PPP1R12C: variants seen among roughly 807,000 people sequenced by gnomAD.
The protein encoded by PPP1R12C is protein phosphatase 1 regulatory subunit 12C.
In PPP1R12C, 48 loss-of-function variants were observed where a neutral mutation model predicts 95.6. The observed-to-expected ratio is 0.50, with a 90% confidence interval of 0.40 to 0.64. The LOEUF (loss-of-function observed/expected upper bound fraction) is 0.64, where lower values mean the gene tolerates loss of function less well. Among genes scored for constraint, PPP1R12C ranks in the 30% least tolerant of loss-of-function variants. The pLI, the probability that PPP1R12C is intolerant of heterozygous loss-of-function variation, is 0.00. For missense variants in PPP1R12C, 1,057 were observed against 1,083.3 expected, an observed-to-expected ratio of 0.98 and a Z score of 0.34; for synonymous variants, 480 against 460.8, an observed-to-expected ratio of 1.04 and a Z score of -0.53.
chr19:55,092,378 GGC>G, intron 18 of PPP1R12C, 52 bp from the exon 19 acceptor site: 1 of 1,567,678 alleles, frequency 6.4e-7, no homozygotes, highest in Non-Finnish European at 8.7e-7. Context: ...ATGCTGGGGG[GGC>G]GGGGAAGCCA....
At chr19:55,105,280 A>G (rs2085025813) in intron 3 of PPP1R12C, among the ~76,000 whole-genome samples, 1 of 152,134 alleles carries the variant, frequency 6.6e-6, no homozygotes, top group Non-Finnish European at 1.5e-5. Flanking sequence ...ATGGGTCTCA[A>G]TTCAGGGAGG....
intron 3 of PPP1R12C, chr19:55,111,679 TC>T (rs2085097577): frequency 6.6e-6 from 1 of 152,028 alleles, no homozygotes; most frequent in South Asian, 2.1e-4. Context: ...TGCCGGTATC[TC>T]ATTTCCTCGT....
intron 6 of PPP1R12C, among the ~76,000 whole-genome samples, chr19:55,097,252 A>G (rs71367148): frequency 1.3e-5 from 1 of 76,604 alleles, no homozygotes; most frequent in Non-Finnish European, 2.4e-5. Flanking sequence ...CACCGTCTTC[A>G]CCCCTACCCC....
intron 1 of PPP1R12C, chr19:55,113,893 G>A (rs990080171): frequency 6.0e-6 from 1 of 166,496 alleles, no homozygotes; most frequent in Non-Finnish European, 1.3e-5. Context: ...CCCTGTGAAA[G>A]ATGCCTGAGG....
intron 12 of PPP1R12C, 70 bp from the exon 13 acceptor site, chr19:55,094,505 C>T (rs1394339470): frequency 3.7e-6 from 6 of 1,601,170 alleles, no homozygotes; most frequent in East Asian, 2.2e-5. Context: ...TGACACCCTC[C>T]GCGGGAAGCA....
rs1195523568 is a variant in PPP1R12C at position 55,096,417 on chromosome 19, A to C, written c.952-82T>G. ...ACACCACCACAAACAGCTGTGCAGG[A>C]GCTCACTGCCCAGGCGGGCACCGAG... On this transcript the variant is annotated intron_variant, in intron 6 of 21. Coordinates refer to ENST00000263433, the MANE Select transcript of PPP1R12C (RefSeq NM_017607.4). The C allele has an allele frequency of 2.7e-6, 4 of 1,495,250 alleles. No homozygotes were observed. The African/African-American group carries it at 5.5e-5, about 21-fold the overall frequency. 92.6% of individuals were successfully genotyped at this position (1,495,250 alleles called of 1,614,324 possible). A position where few individuals can be genotyped will look rare whatever the true frequency, so the allele number is the denominator to read the frequency against.
At chr19:55,091,589 C>T in intron 21 of PPP1R12C, 31 bp from the exon 22 acceptor site, 1 of 1,611,504 alleles carries the variant, frequency 6.2e-7, no homozygotes, top group Non-Finnish European at 8.5e-7. Flanking sequence ...GCTGGGCAGC[C>T]CTGGCGGGTT....
chr19:55,091,303 C>T lies in PPP1R12C; in HGVS notation c.*169G>A, dbSNP rs2084836089. 4.2e-6 allele frequency: 3 copies of T among 714,452 alleles called. No homozygotes were observed. The highest frequency in any genetic ancestry group is 2.8e-5 in the Admixed American group (1 of 35,352). The allele number at this position is 714,452 out of a possible 1,614,324, so 44.3% of individuals were successfully genotyped here. A position where few individuals can be genotyped will look rare whatever the true frequency, so the allele number is the denominator to read the frequency against. The stretch of plus-strand genomic sequence containing the variant: ...CCACCTCCATCCTGGCCTCGGGTGG[C>T]CCCCTCGGCTCCTGGGGACTCTGCT... On this transcript the variant is annotated 3_prime_UTR_variant, in exon 22 of 22. Coordinates refer to ENST00000263433, the MANE Select transcript of PPP1R12C (RefSeq NM_017607.4).
chr19:55,109,852 G>A lies in PPP1R12C; in HGVS notation c.571+2615C>T, dbSNP rs1467137753. On this transcript the variant is annotated intron_variant, in intron 3 of 21. Transcript: ENST00000263433. This position sits in a 1 kb window ranked among gnomAD's most constrained non-coding sequence, Gnocchi z 4.4. ...CCTCTGAGGCTCCTGTGTGGAGCCGGGTGTCACAGGGTGTCACAGGCAGTC... is the reference window on the plus strand; with the variant it reads ...CCTCTGAGGCTCCTGTGTGGAGCCGAGTGTCACAGGGTGTCACAGGCAGTC... 6.6e-6 allele frequency among the ~76,000 whole-genome samples: 1 copy of A among 152,090 alleles called. No homozygotes were observed. Among genetic ancestry groups the A allele is most frequent in the South Asian group, 2.1e-4 (1 of 4,824 alleles).
chr19:55,104,180 G>GTA (rs756594022), intron 3 of PPP1R12C, among the ~76,000 whole-genome samples: 6,778 of 72,648 alleles, frequency 0.093, 230 homozygotes, highest in Admixed American at 0.15. Context: ...AAAAAAAAAA[G>GTA]TATATATATA....
intron 19 of PPP1R12C, 109 bp from the exon 20 acceptor site, chr19:55,092,018 C>T: frequency 1.4e-6 from 2 of 1,414,632 alleles, no homozygotes; most frequent in Non-Finnish European, 2.0e-6. Context: ...GCCCACAAGC[C>T]CTTCCCCCAC....
chr19:55,093,003 G>T lies in PPP1R12C; in HGVS notation c.1825+13C>A. 1 of 1,570,338 alleles carries T rather than the reference G, an allele frequency of 6.4e-7. No individual in the cohort carries two copies. On this transcript the variant is annotated intron_variant, in intron 15 of 21. Coordinates refer to ENST00000263433, the MANE Select transcript of PPP1R12C (RefSeq NM_017607.4). ...GATTCCCTGGGAATGACCTCCCCGAGAGCAGACCTCACCTCTCTGGGCAGG... is the reference window on the plus strand; with the variant it reads ...GATTCCCTGGGAATGACCTCCCCGATAGCAGACCTCACCTCTCTGGGCAGG...
intron 3 of PPP1R12C, among the ~76,000 whole-genome samples, chr19:55,110,744 C>A (rs10418721): frequency 0.022 from 3,369 of 152,080 alleles, 107 homozygotes; most frequent in African/African-American, 0.076. Flanking sequence ...TGCTGGCTCA[C>A]GCCTGTAATC....
intron 3 of PPP1R12C, 36 bp downstream of exon 3, chr19:55,112,431 T>G (rs564377931): frequency 6.4e-7 from 1 of 1,562,430 alleles, no homozygotes; most frequent in African/African-American, 1.4e-5. Flanking sequence ...GGTGAGGAGG[T>G]GTCCCCCACC....
At chr19:55,110,705 T>A (rs1763194267) in intron 3 of PPP1R12C, among the ~76,000 whole-genome samples, 1 of 152,104 alleles carries the variant, frequency 6.6e-6, no homozygotes, top group African/African-American at 2.4e-5. Flanking sequence ...AAACCCCATC[T>A]CTATTAAAAA....
intron 3 of PPP1R12C, among the ~76,000 whole-genome samples, chr19:55,106,827 C>T (rs1316542611): frequency 2.0e-5 from 3 of 152,180 alleles, no homozygotes; most frequent in Non-Finnish European, 2.9e-5. Context: ...GCGCACATCA[C>T]CAGGCCTTCC....
chr19:55,094,878 A>C (rs2084892135), intron 11 of PPP1R12C, 80 bp from the exon 12 acceptor site: 1 of 1,466,970 alleles, frequency 6.8e-7, no homozygotes, highest in Non-Finnish European at 9.2e-7. Flanking sequence ...TGAGTGAAAG[A>C]AACAAATTAT....
chr19:55,116,254 G>GAAGGAA (rs2085152243), intron 1 of PPP1R12C, among the ~76,000 whole-genome samples: 1 of 152,158 alleles, frequency 6.6e-6, no homozygotes, highest in African/African-American at 2.4e-5. Flanking sequence ...CCCAGAAGGA[G>GAAGGAA]AAGGAAAAGG....
At chr19:55,104,874 C>T (rs567013372) in intron 3 of PPP1R12C, among the ~76,000 whole-genome samples, 4 of 150,470 alleles carry the variant, frequency 2.7e-5, no homozygotes, top group African/African-American at 7.3e-5. Context: ...CAGGTTCAAG[C>T]GGTTCTCCTG....
Sources: allele counts gnomAD v4.1 joint callset (sites outside exome capture counted in the v4.1 genomes callset), GRCh38; gene constraint gnomAD v4.1.1; non-coding constraint Gnocchi (gnomAD v3.1); transcripts MANE v1.5; gene names NCBI Gene and HGNC (gene_info 2026-07-23, HGNC 2026-07-21).